Variants in COCH observed in about 807,000 individuals in gnomAD.
COCH encodes coagulation factor C homolog, cochlin (Limulus polyphemus).
Under a neutral mutation model 54.8 loss-of-function variants are expected in COCH, and 40 were observed. The ratio of observed to expected loss-of-function variants is 0.73; its 90% CI spans 0.57 to 0.95. The LOEUF (loss-of-function observed/expected upper bound fraction) is 0.95. COCH is among the 40% of genes least tolerant of loss of function. The probability of loss-of-function intolerance (pLI) is 0.00; values close to 1 mark genes in which losing one functional copy is unlikely to be tolerated. For missense variants in COCH, 605 were observed against 675.0 expected, an observed-to-expected ratio of 0.90 and a Z score of 1.15; for synonymous variants, 256 against 237.9, an observed-to-expected ratio of 1.08 and a Z score of -0.70.
At position 30,886,154 on chromosome 14, in the gene COCH, T is replaced by G. The variant is rs769725783; in HGVS notation, c.1319T>G (p.Met440Arg). 6.2e-7 allele frequency: 1 copy of G among 1,611,844 alleles called. No individual in the cohort carries two copies. The highest frequency in any genetic ancestry group is 8.5e-7 in the Non-Finnish European group (1 of 1,178,206). Residue 440 changes from methionine (M) to arginine (R), a missense_variant, in exon 11 of 12, where the codon ATG becomes AGG. Physicochemically the swap from Met to Arg is moderately conservative, Grantham distance 91 (BLOSUM62 -1). Coordinates refer to ENST00000396618, the MANE Select transcript of COCH (RefSeq NM_004086.3). ...GCTGTCATCAGAAACATCCGCTATATGAGTGGTGGAACAGCTACTGGTGAT... is the reference window on the plus strand; with the variant it reads ...GCTGTCATCAGAAACATCCGCTATAGGAGTGGTGGAACAGCTACTGGTGAT... The part of the protein sequence containing the change: ...VLAVIRNIRY[M>R]SGGTATGDAI...
At chr14:30,887,202 G>A (rs1327075944) in intron 11 of COCH, among the ~76,000 whole-genome samples, 3 of 151,770 alleles carry the variant, frequency 2.0e-5, no homozygotes, top group Non-Finnish European at 4.4e-5. Flanking sequence ...AAGACCAGCC[G>A]GGCCAACATG....
chr14:30,884,922 A>C, intron 9 of COCH: 1 of 1,597,094 alleles, frequency 6.3e-7, no homozygotes, highest in Non-Finnish European at 8.5e-7. Context: ...ATAACATTGG[A>C]GAAGTATCTC....
At chr14:30,885,655 T>C in intron 10 of COCH, 35 bp downstream of exon 10, 1 of 1,471,056 alleles carries the variant, frequency 6.8e-7, no homozygotes, top group Middle Eastern at 1.7e-4. Context: ...GTTACAGTGA[T>C]GGGTATTCCA....
intron 8 of COCH, among the ~76,000 whole-genome samples, chr14:30,882,120 G>GTTTTTTTTTTTTTGTTTTGTTTTTTT (rs1895619344): frequency 1.0e-4 from 7 of 67,912 alleles, no homozygotes; most frequent in African/African-American, 4.6e-4. Flanking sequence ...CTATAAAATG[G>GTTTTTTTTTTTTTGTTTTGTTTTTTT]TTTTTTTTTT....
At chr14:30,879,724 G>A (rs1895501675) in intron 6 of COCH, among the ~76,000 whole-genome samples, 1 of 152,204 alleles carries the variant, frequency 6.6e-6, no homozygotes, top group African/African-American at 2.4e-5. Flanking sequence ...GCTCACTGCA[G>A]CCTTAACCTC....
chr14:30,894,168 ACAG>A (rs1340467553), downstream of COCH: 2 of 152,394 alleles, frequency 1.3e-5, no homozygotes, highest in Non-Finnish European at 2.9e-5. Flanking sequence ...TAGTCAAAAC[ACAG>A]CAGATTTCTG....
At position 30,888,591 on chromosome 14, in the gene COCH, A is replaced by C. The variant is rs117612869; in HGVS notation, c.1478-1025A>C. 2.4e-4 allele frequency among the ~76,000 whole-genome samples: 36 copies of C among 152,212 alleles called. No homozygotes were observed. In the East Asian group the frequency reaches 6.6e-3, roughly 28 times the overall value. On this transcript the variant is annotated intron_variant, in intron 11 of 11. Transcript: ENST00000396618. ...GAGCCCTGGAGTTCGAGATGAGACC[A>C]GCCTGAACAACATGGTGAAACCCCA... is the stretch of plus-strand genomic sequence containing the variant.
intron 3 of COCH, chr14:30,875,656 T>G: frequency 4.3e-6 from 1 of 231,028 alleles, no homozygotes. Flanking sequence ...AAAAAGTTTG[T>G]ACCACGTGTA....
Position 30,878,840 on chromosome 14 carries a change from T to A in COCH, c.269T>A (p.Val90Glu). 1.9e-6 allele frequency: 3 copies of A among 1,614,158 alleles called. No homozygotes were observed. The highest frequency in any genetic ancestry group is 2.5e-6 in the Non-Finnish European group (3 of 1,180,026). Residue 90 changes from valine (V) to glutamate (E), a missense_variant, in exon 5 of 12, where the codon GTA becomes GAA. Transcript: ENST00000396618. ...RGVISNSGGP[V>E]RVYSLPGREN... ...GTAATCAGCAACTCAGGGGGACCTG[T>A]ACGAGTCTATAGCCTACCTGGTCGA...
chr14:30,874,822 C>A, intron 1 of COCH, 94 bp from the exon 2 acceptor site: 1 of 1,241,504 alleles, frequency 8.1e-7, no homozygotes, highest in Non-Finnish European at 1.2e-6. Context: ...TCCTCTGCGC[C>A]GCGCCCGGGG....
chr14:30,877,371 G>C lies in COCH; in HGVS notation c.83-201G>C. ...ACTTTCACATTAGAGTTTTATAGTG[G>C]CTGGGGACTATATTAAATTGGAAAA... On this transcript the variant is annotated intron_variant, in intron 3 of 11. Transcript: ENST00000396618. This position sits in a 1 kb window ranked among gnomAD's most constrained non-coding sequence, Gnocchi z 8.6. 1.6e-6 allele frequency: 1 copy of C among 616,068 alleles called. No homozygotes were observed. The allele number at this position is 616,068 out of a possible 1,614,324, so 38.2% of individuals were successfully genotyped here. A position where few individuals can be genotyped will look rare whatever the true frequency, so the allele number is the denominator to read the frequency against.
chr14:30,885,196 C>A, intron 9 of COCH, 198 bp from the exon 10 acceptor site: 1 of 1,057,068 alleles, frequency 9.5e-7, no homozygotes, highest in Non-Finnish European at 1.4e-6. Flanking sequence ...GATAAATAGG[C>A]CTGGTAGATA....
chr14:30,889,430 C>A lies in COCH; in HGVS notation c.1478-186C>A, dbSNP rs1219535891. The A allele has an allele frequency of 5.0e-6, 3 of 596,726 alleles. No homozygotes were observed. In the Admixed American group the frequency reaches 8.2e-5, roughly 16 times the overall value. 37.0% of individuals were successfully genotyped at this position (596,726 alleles called of 1,614,324 possible). A position where few individuals can be genotyped will look rare whatever the true frequency, so the allele number is the denominator to read the frequency against. Reference sequence around the variant, plus strand: ...GATATAGCAGAGTTTCTGGTTTGGACCACTCTTTTGCCACTCTCGTCACAA... The same window carrying A: ...GATATAGCAGAGTTTCTGGTTTGGAACACTCTTTTGCCACTCTCGTCACAA... On this transcript the variant is annotated intron_variant, in intron 11 of 11. Transcript: ENST00000396618.
downstream of COCH, chr14:30,895,071 AAAAAAAAAGAAG>A (rs1262685137): frequency 1.4e-5 from 3 of 219,256 alleles, no homozygotes; most frequent in African/African-American, 7.2e-5. Context: ...AAAAAAAAAA[AAAAAAAAAGAAG>A]AAGAAGAAGA....
chr14:30,874,821 C>T (rs771415523), intron 1 of COCH, 95 bp from the exon 2 acceptor site: 193 of 1,236,638 alleles, frequency 1.6e-4, no homozygotes, highest in Non-Finnish European at 2.1e-4. Context: ...CTCCTCTGCG[C>T]CGCGCCCGGG....
In COCH at chr14:30,886,370, G is replaced by A. The variant is rs183398807; in HGVS notation, c.1477+58G>A. 31 of 1,578,878 alleles carry A rather than the reference G, an allele frequency of 2.0e-5. No individual in the cohort carries two copies. The East Asian group carries it at 6.5e-4, about 33-fold the overall frequency. On this transcript the variant is annotated intron_variant, in intron 11 of 11. Transcript: ENST00000396618. ...CAGAAAAAACGGTTCAGTGAATTTA[G>A]GAGTAAATAAAAATTTAAGCATTTA...
chr14:30,885,106 G>T, intron 9 of COCH: 1 of 1,558,268 alleles, frequency 6.4e-7, no homozygotes, highest in Non-Finnish European at 8.6e-7. Flanking sequence ...TCAGTTTTGT[G>T]TTTCTAACTG....
In COCH at chr14:30,885,778, A is replaced by G. The variant is rs1273007834; in HGVS notation, c.961-18A>G. 4 of 1,613,472 alleles carry G rather than the reference A, an allele frequency of 2.5e-6. No homozygotes were observed. Among genetic ancestry groups the G allele is most frequent in the Non-Finnish European group, 2.5e-6 (3 of 1,179,616 alleles). On this transcript the variant is annotated intron_variant, in intron 10 of 11. Transcript: ENST00000396618. ...CTTTTGATCCTTTTGGATATCTTTT[A>G]TGTGTCTCCCCCATTAGGCTGTCTG... is the stretch of plus-strand genomic sequence containing the variant.
Position 30,877,385 on chromosome 14 carries a change from TA to T in COCH, c.83-184del. ...GTTTTATAGTGGCTGGGGACTATAT[TA>T]AATTGGAAAACAACCTTGTGGCTTG... On this transcript the variant is annotated intron_variant, in intron 3 of 11. Transcript: ENST00000396618. The surrounding 1 kb of genome is among the most constrained non-coding windows in gnomAD (Gnocchi z 8.6). 4.5e-6 allele frequency: 3 copies of T among 664,704 alleles called. No individual in the cohort carries two copies. Among genetic ancestry groups the T allele is most frequent in the Non-Finnish European group, 5.0e-6 (2 of 396,476 alleles). The allele number at this position is 664,704 out of a possible 1,614,324, so 41.2% of individuals were successfully genotyped here.
Sources: allele counts gnomAD v4.1 joint callset (sites outside exome capture counted in the v4.1 genomes callset), GRCh38; gene constraint gnomAD v4.1.1; non-coding constraint Gnocchi (gnomAD v3.1); transcripts MANE v1.5; gene names NCBI Gene and HGNC (gene_info 2026-07-23, HGNC 2026-07-21).